Variants in GPR176 observed in about 807,000 individuals in gnomAD.
The protein encoded by GPR176 is G protein-coupled receptor 176, also known as G-protein coupled receptor 176.
GPR176 carries 26 observed loss-of-function variants against 35.4 expected under a neutral mutation model. The ratio of observed to expected loss-of-function variants is 0.74; its 90% CI spans 0.54 to 1.02. The LOEUF (loss-of-function observed/expected upper bound fraction) is 1.02. Among genes scored for constraint, GPR176 ranks in the 50% least tolerant of loss-of-function variants. GPR176 has a pLI of 0.00. For missense variants in GPR176, 597 were observed against 665.3 expected, an observed-to-expected ratio of 0.90 and a Z score of 1.13; for synonymous variants, 278 against 271.3, an observed-to-expected ratio of 1.02 and a Z score of -0.24.
In GPR176 at chr15:39,802,032, C is replaced by T. The variant is rs1467095810; in HGVS notation, c.648G>A (p.Val216=). The change falls in exon 3 of 3, where the codon GTG becomes GTA. Residue 216 remains valine, a synonymous_variant. Transcript: ENST00000561100. ...AGAAGAGGAACACCACCACCACAGG[C>T]ACAATGACCGTGGTGATGTTATACA... is the stretch of plus-strand genomic sequence containing the variant. The part of the protein sequence containing the change: ...VLVYNITTVI[V]PVVVVFLFLI... 3 of 1,614,104 alleles carry T rather than the reference C, an allele frequency of 1.9e-6. No homozygotes were observed. Among genetic ancestry groups the T allele is most frequent in the Non-Finnish European group, 2.5e-6 (3 of 1,180,022 alleles).
intron 1 of GPR176, among the ~76,000 whole-genome samples, chr15:39,869,867 A>G (rs955464752): frequency 1.3e-5 from 2 of 152,158 alleles, no homozygotes; most frequent in African/African-American, 2.4e-5. Context: ...GTGGTGTCCC[A>G]TTAGTATATC....
rs1898932057 is a variant in GPR176 at position 39,802,241 on chromosome 15, G to C, written c.439C>G (p.Leu147Val). ...AIALDRYYSV[L>V]YPLERKISDA... ...GATATTTTCCTCTCCAGTGGATAGAGGACTGAGTAGTACCTGCAAGATACA... is the reference window on the plus strand; with the variant it reads ...GATATTTTCCTCTCCAGTGGATAGACGACTGAGTAGTACCTGCAAGATACA... The change falls in exon 3 of 3, where the codon CTC (leucine) becomes GTC (valine). Residue 147 changes from leucine (L) to valine (V), a missense_variant. This residue lies in a region of GPR176 where 220 missense variants were observed against 297.6 expected (regional missense o/e 0.74). Transcript: ENST00000561100. 2 of 1,605,932 alleles carry C rather than the reference G, an allele frequency of 1.2e-6. No individual in the cohort carries two copies. Among genetic ancestry groups the C allele is most frequent in the Admixed American group, 1.7e-5 (1 of 59,474 alleles).
At chr15:39,858,640 G>A (rs2031401042) in intron 1 of GPR176, among the ~76,000 whole-genome samples, 1 of 152,156 alleles carries the variant, frequency 6.6e-6, no homozygotes, top group Non-Finnish European at 1.5e-5. Context: ...TGGGGCCCAG[G>A]AAGTCAAGGC....
chr15:39,909,704 C>T (rs2140877040), intron 1 of GPR176, among the ~76,000 whole-genome samples: 1 of 152,308 alleles, frequency 6.6e-6, no homozygotes, highest in Admixed American at 6.5e-5. Context: ...CTACTGCTTT[C>T]CAATACAAAC....
chr15:39,849,622 C>T (rs1046886350), intron 1 of GPR176, among the ~76,000 whole-genome samples: 1 of 152,144 alleles, frequency 6.6e-6, no homozygotes, highest in Non-Finnish European at 1.5e-5. Context: ...ATATAATCTA[C>T]TCTATTAACA....
intron 1 of GPR176, among the ~76,000 whole-genome samples, chr15:39,918,920 C>T (rs903685877): frequency 6.6e-6 from 1 of 152,160 alleles, no homozygotes; most frequent in Non-Finnish European, 1.5e-5. Context: ...TGAAACTTTA[C>T]GACTGTTCTT....
intron 1 of GPR176, among the ~76,000 whole-genome samples, chr15:39,817,296 A>G (rs1252123871): frequency 1.3e-5 from 2 of 152,170 alleles, no homozygotes; most frequent in Non-Finnish European, 2.9e-5. Context: ...ATTCAAATGT[A>G]GTTTCACTAT....
In GPR176 at chr15:39,917,125, T is replaced by C. The variant is rs143042135; in HGVS notation, c.172+2730A>G. Among the ~76,000 whole-genome samples the C allele has an allele frequency of 1.7e-3, 259 of 151,834 alleles. 1 individual carries two copies. Among genetic ancestry groups the C allele is most frequent in the African/African-American group, 5.9e-3 (245 of 41,426 alleles). ...GGTGAAACCCCATCTCTACTAAAAATGCAAAAACTTAGCCAGGCGTGGTGG... is the reference window on the plus strand; with the variant it reads ...GGTGAAACCCCATCTCTACTAAAAACGCAAAAACTTAGCCAGGCGTGGTGG... On this transcript the variant is annotated intron_variant, in intron 1 of 2. Transcript: ENST00000561100.
chr15:39,903,633 G>A (rs1349662647), intron 1 of GPR176, among the ~76,000 whole-genome samples: 1 of 151,806 alleles, frequency 6.6e-6, no homozygotes, highest in African/African-American at 2.4e-5. Flanking sequence ...AATGATGATG[G>A]GCCTCCAAAA....
chr15:39,841,029 T>G (rs554761839), intron 1 of GPR176, among the ~76,000 whole-genome samples: 39 of 152,280 alleles, frequency 2.6e-4, no homozygotes, highest in African/African-American at 9.4e-4. Flanking sequence ...AATTACCTGT[T>G]GTTTCCCCAG....
intron 1 of GPR176, among the ~76,000 whole-genome samples, chr15:39,868,287 G>C (rs1441969898): frequency 6.6e-6 from 1 of 152,122 alleles, no homozygotes. Flanking sequence ...TGATGGTCAG[G>C]AGCAATGTGA....
rs1555409390 is a variant in GPR176 at position 39,889,608 on chromosome 15, T to TAAAAC, written c.172+30242_172+30246dup. 1.3e-3 allele frequency among the ~76,000 whole-genome samples: 172 copies of TAAAAC among 136,430 alleles called. 2 individuals are homozygous for TAAAAC. Among genetic ancestry groups the TAAAAC allele is most frequent in the Middle Eastern group, 7.6e-3 (2 of 262 alleles). The allele number at this position is 136,430 out of a possible 152,430, so 89.5% of individuals were successfully genotyped here. A position where few individuals can be genotyped will look rare whatever the true frequency, so the allele number is the denominator to read the frequency against. ...TAAAATAAAATAAAATAAAATAAAA[T>TAAAAC]AAAACAAAACAAAACATTAAAGTGT... On this transcript the variant is annotated intron_variant, in intron 1 of 2. Coordinates refer to ENST00000561100, the MANE Select transcript of GPR176 (RefSeq NM_007223.3).
At chr15:39,874,814 C>T in intron 1 of GPR176, among the ~76,000 whole-genome samples, 1 of 152,126 alleles carries the variant, frequency 6.6e-6, no homozygotes. Flanking sequence ...GGGGCCAAGG[C>T]AGGTGGATCA....
rs765966045 is a variant in GPR176 at position 39,801,944 on chromosome 15, G to A, written c.736C>T (p.Arg246Trp). ...ATAGAGATGGTGTTCTGTGGGGTCC[G>A]GAGCGCTGCTATGATGACCTTCTTC... ...QKKKVIIAAL[R>W]TPQNTISIPY... is the part of the protein sequence containing the mutation. Residue 246 changes from arginine to tryptophan, a missense_variant, in exon 3 of 3, where the codon CGG becomes TGG. Arg to Trp is a moderately radical substitution (Grantham distance 101). Transcript: ENST00000561100. 2.7e-5 allele frequency: 44 copies of A among 1,613,898 alleles called. No homozygotes were observed. The highest frequency in any genetic ancestry group is 3.2e-5 in the Non-Finnish European group (38 of 1,179,998).
Position 39,820,755 on chromosome 15 carries a change from C to T in GPR176, c.173-13497G>A, listed in dbSNP as rs576303374. Among the ~76,000 whole-genome samples, 11 of 152,276 alleles carry T rather than the reference C, an allele frequency of 7.2e-5. No homozygotes were observed. In the South Asian group the frequency reaches 2.1e-3, roughly 29 times the overall value. On this transcript the variant is annotated intron_variant, in intron 1 of 2. Coordinates refer to ENST00000561100, the MANE Select transcript of GPR176 (RefSeq NM_007223.3). ...AACAACACCTTTTGGAAAGCAAATC[C>T]TAATACTTGCTTTTCTCTCTTTTCT... is the stretch of plus-strand genomic sequence containing the variant.
chr15:39,842,987 C>T (rs971463968), intron 1 of GPR176, among the ~76,000 whole-genome samples: 6 of 151,830 alleles, frequency 4.0e-5, no homozygotes, highest in Non-Finnish European at 5.9e-5. Flanking sequence ...TGGAATCATA[C>T]TCAAAGAGAA....
chr15:39,894,030 C>T (rs1390694247), intron 1 of GPR176, among the ~76,000 whole-genome samples: 13 of 17,036 alleles, frequency 7.6e-4, no homozygotes, highest in East Asian at 6.4e-3. Flanking sequence ...CCAGTAGGGG[C>T]GGCCAGGCAG....
At chr15:39,880,894 T>C (rs1456392448) in intron 1 of GPR176, among the ~76,000 whole-genome samples, 1 of 152,198 alleles carries the variant, frequency 6.6e-6, no homozygotes, top group African/African-American at 2.4e-5. Flanking sequence ...TCCCTACTTC[T>C]AGTTTTACCT....
At chr15:39,874,429 A>G (rs2032164760) in intron 1 of GPR176, among the ~76,000 whole-genome samples, 1 of 152,196 alleles carries the variant, frequency 6.6e-6, no homozygotes, top group Non-Finnish European at 1.5e-5. Flanking sequence ...TTTTATATTG[A>G]CAGAGCTTTA....
Sources: gnomAD v4.1 joint callset for allele counts (sites outside exome capture counted in the v4.1 genomes callset) on GRCh38, gnomAD v4.1.1 for gene constraint, gnomAD v4.1.1 regional missense constraint, MANE v1.5 for transcripts, NCBI Gene and HGNC (gene_info 2026-07-23, HGNC 2026-07-21) for gene names.